The following SOD2 variants were observed in gnomAD, a reference collection of about 807,000 sequenced individuals.
SOD2 encodes the protein superoxide dismutase 2.
Under a neutral mutation model 27.0 loss-of-function variants are expected in SOD2, and 11 were observed. The observed-to-expected ratio is 0.41, with a 90% confidence interval of 0.26 to 0.67. The LOEUF (loss-of-function observed/expected upper bound fraction) is 0.67, where lower values mean the gene tolerates loss of function less well. SOD2 is among the 30% of genes least tolerant of loss of function. SOD2 has a pLI of 0.34. For missense variants in SOD2, 250 were observed against 274.5 expected, an observed-to-expected ratio of 0.91 and a Z score of 0.63; for synonymous variants, 105 against 103.0, an observed-to-expected ratio of 1.02 and a Z score of -0.12.
intron 1 of SOD2, among the ~76,000 whole-genome samples, chr6:159,738,025 C>G (rs1779027176): frequency 6.6e-6 from 1 of 152,202 alleles, no homozygotes; most frequent in Non-Finnish European, 1.5e-5. Flanking sequence ...GCAGACATCT[C>G]TAATAACTGT....
chr6:159,685,368 G>A (rs999634038), intron 3 of SOD2, among the ~76,000 whole-genome samples: 4 of 151,392 alleles, frequency 2.6e-5, no homozygotes, highest in Admixed American at 6.6e-5. Flanking sequence ...TTAGCCTCCC[G>A]AGCAGCTGCG....
At chr6:159,754,824 A>G (rs921294303) in intron 1 of SOD2, among the ~76,000 whole-genome samples, 2 of 152,162 alleles carry the variant, frequency 1.3e-5, no homozygotes, top group African/African-American at 4.8e-5. Flanking sequence ...CCAACTGTAT[A>G]TTATTTTAAG....
chr6:159,724,131 G>C (rs1385664559), intron 1 of SOD2, among the ~76,000 whole-genome samples: 1 of 151,584 alleles, frequency 6.6e-6, no homozygotes, highest in Non-Finnish European at 1.5e-5. Flanking sequence ...CCCACCCCCG[G>C]ATGAATGAAC....
intron 1 of SOD2, among the ~76,000 whole-genome samples, chr6:159,732,886 A>T (rs926208106): frequency 2.2e-4 from 32 of 146,486 alleles, no homozygotes; most frequent in African/African-American, 4.7e-4. Flanking sequence ...ATATATATAT[A>T]GTGTGTGTGT....
intron 1 of SOD2, chr6:159,713,252 C>T (rs1583041160): frequency 6.8e-6 from 5 of 731,646 alleles, no homozygotes; most frequent in Admixed American, 4.7e-5. Flanking sequence ...TCCATCATTA[C>T]AGCCACGATA....
At chr6:159,728,701 C>T (rs936756931), upstream of SOD2, among the ~76,000 whole-genome samples, 8 of 152,152 alleles carry the variant, frequency 5.3e-5, no homozygotes, top group Admixed American at 5.2e-4. Flanking sequence ...CATTTTAATT[C>T]ATTCAAGTAG....
intron 1 of SOD2, among the ~76,000 whole-genome samples, chr6:159,733,847 C>A (rs953686492): frequency 1.7e-4 from 26 of 151,998 alleles, no homozygotes; most frequent in African/African-American, 5.1e-4. Flanking sequence ...ACCCAGGAGG[C>A]GGAGGTTGCG....
At chr6:159,694,926 A>C (rs1777392628), upstream of SOD2, among the ~76,000 whole-genome samples, 1 of 152,086 alleles carries the variant, frequency 6.6e-6, no homozygotes. Context: ...TAAAACGCAG[A>C]CAAGAGCAGG....
At position 159,682,401 on chromosome 6, in the gene SOD2, A is replaced by G; in HGVS notation, c.*92T>C. On this transcript the variant is annotated 3_prime_UTR_variant, in exon 5 of 5. Coordinates refer to ENST00000538183, the MANE Select transcript of SOD2 (RefSeq NM_000636.4). ...TGACTAAGCAACATCAAGAAATGCTACAATAGAGCAGCTTACTGTATTCTG... is the reference window on the plus strand; with the variant it reads ...TGACTAAGCAACATCAAGAAATGCTGCAATAGAGCAGCTTACTGTATTCTG... 1.9e-6 allele frequency: 2 copies of G among 1,048,580 alleles called. No individual in the cohort carries two copies. Among genetic ancestry groups the G allele is most frequent in the Non-Finnish European group, 2.7e-6 (2 of 754,510 alleles). 65.0% of individuals were successfully genotyped at this position (1,048,580 alleles called of 1,614,324 possible). A position where few individuals can be genotyped will look rare whatever the true frequency, so the allele number is the denominator to read the frequency against.
intron 1 of SOD2, among the ~76,000 whole-genome samples, chr6:159,700,094 T>A (rs909707788): frequency 2.6e-5 from 4 of 152,194 alleles, no homozygotes; most frequent in African/African-American, 9.7e-5. Flanking sequence ...GATATTTAGT[T>A]TGAGGAACTA....
intron 1 of SOD2, among the ~76,000 whole-genome samples, chr6:159,738,751 A>T (rs932572687): frequency 6.6e-6 from 1 of 152,084 alleles, no homozygotes; most frequent in Non-Finnish European, 1.5e-5. Flanking sequence ...CATTCTAATC[A>T]GTGTGTGGTG....
intron 1 of SOD2, among the ~76,000 whole-genome samples, chr6:159,754,375 C>T (rs567826200): frequency 6.6e-6 from 1 of 152,258 alleles, no homozygotes; most frequent in South Asian, 2.1e-4. Context: ...CCTTAAGGAT[C>T]AGACTTGCTA....
At position 159,688,198 on chromosome 6, in the gene SOD2, TG is replaced by T; in HGVS notation, c.270del (p.Phe90LeufsTer46). 1 of 1,613,802 alleles carries T rather than the reference TG, an allele frequency of 6.2e-7. No individual in the cohort carries two copies. The highest frequency in any genetic ancestry group is 8.5e-7 in the Non-Finnish European group (1 of 1,179,692). On this transcript the variant is annotated frameshift_variant, in exon 3 of 5. Transcript: ENST00000538183. LOFTEE classifies it high-confidence loss of function. ...CTATGATTGATATGACCACCACCAT[TG>T]AACTTCAGTGCAGGCTGAAGAGCTA... ...AQIALQPALKFNGGGHINHSI... is the reference protein window; with the variant it reads ...AQIALQPALKXNGGGHINHSI...
Position 159,710,288 on chromosome 6 carries a change from T to TAA in SOD2, c.-116+16839_-116+16840dup, listed in dbSNP as rs1554261129. Reference sequence around the variant, plus strand: ...ATAAATACATATATATATATATATATAAAATACAAAAATTAGCTGGGCGTG... The same window carrying TAA: ...ATAAATACATATATATATATATATATAAAAAATACAAAAATTAGCTGGGCGTG... On this transcript the variant is annotated intron_variant, in intron 1 of 2. Coordinates refer to the SOD2 transcript ENST00000401980. Among the ~76,000 whole-genome samples, 1,089 of 147,862 alleles carry TAA rather than the reference T, an allele frequency of 7.4e-3. 26 individuals carry two copies. Among genetic ancestry groups the TAA allele is most frequent in the African/African-American group, 0.026 (1,040 of 40,022 alleles).
At chr6:159,688,917 AG>A (rs1420113484) in intron 2 of SOD2, among the ~76,000 whole-genome samples, 1 of 152,216 alleles carries the variant, frequency 6.6e-6, no homozygotes, top group African/African-American at 2.4e-5. Flanking sequence ...AAACACAAGC[AG>A]AACCTAATCC....
At chr6:159,742,054 C>G (rs766174051) in intron 1 of SOD2, 1 of 1,440,778 alleles carries the variant, frequency 6.9e-7, no homozygotes, top group Non-Finnish European at 9.6e-7. Context: ...ACTATTTTAT[C>G]GTAACAACTA....
At chr6:159,704,715 C>T (rs913267382) in intron 1 of SOD2, among the ~76,000 whole-genome samples, 1 of 152,218 alleles carries the variant, frequency 6.6e-6, no homozygotes, top group Non-Finnish European at 1.5e-5. Flanking sequence ...CATAGCTGAA[C>T]AAAAGGCAGC....
At chr6:159,687,575 T>C (rs751841049) in intron 3 of SOD2, among the ~76,000 whole-genome samples, 1 of 152,210 alleles carries the variant, frequency 6.6e-6, no homozygotes, top group Non-Finnish European at 1.5e-5. Context: ...TGTGATATTC[T>C]ATGTTGGCGT....
rs1430760633 is a variant in SOD2 at position 159,692,642 on chromosome 6, C to T, written c.226+19G>A. 2 of 1,611,804 alleles carry T rather than the reference C, an allele frequency of 1.2e-6. No homozygotes were observed. The highest frequency in any genetic ancestry group is 1.7e-6 in the Non-Finnish European group (2 of 1,178,734). On this transcript the variant is annotated intron_variant, in intron 2 of 4. Transcript: ENST00000538183. Reference sequence around the variant, plus strand: ...GCCTCTGCCGGGGACTGCCTCCCGCCGCTCAGCCTGGAACCTACCCTTGGC... The same window carrying T: ...GCCTCTGCCGGGGACTGCCTCCCGCTGCTCAGCCTGGAACCTACCCTTGGC...
Sources: gnomAD v4.1 joint callset for allele counts (sites outside exome capture counted in the v4.1 genomes callset) on GRCh38, gnomAD v4.1.1 for gene constraint, MANE v1.5 for transcripts, NCBI Gene and HGNC (gene_info 2026-07-23, HGNC 2026-07-21) for gene names.